Variants in OGG1 observed in about 807,000 individuals in gnomAD.
The protein encoded by OGG1 is 8-oxoguanine DNA glycosylase, also known as N-glycosylase/DNA lyase.
In OGG1, 35 loss-of-function variants were observed where a neutral mutation model predicts 42.3. The ratio of observed to expected loss-of-function variants is 0.83; its 90% CI spans 0.63 to 1.10. The LOEUF (loss-of-function observed/expected upper bound fraction) is 1.10, where lower values mean the gene tolerates loss of function less well. OGG1 is among the 50% of genes least tolerant of loss of function. The pLI is 0.00. For missense variants in OGG1, 484 were observed against 446.7 expected (o/e 1.08, Z -0.75); for synonymous variants, 189 against 179.0 (o/e 1.06, Z -0.44).
downstream of OGG1, chr3:9,757,512 G>A: frequency 6.2e-7 from 1 of 1,607,932 alleles, no homozygotes; most frequent in Non-Finnish European, 8.5e-7. This position sits in a 1 kb window ranked among gnomAD's most constrained non-coding sequence, Gnocchi z 4.5. Flanking sequence ...CTCCCACGCA[G>A]AGGATCATGA....
At chr3:9,786,474 G>C (rs2078614563) in intron 3 of OGG1, among the ~76,000 whole-genome samples, 1 of 152,164 alleles carries the variant, frequency 6.6e-6, no homozygotes, top group East Asian at 1.9e-4. Context: ...GTGAGGGTGT[G>C]TCTAAGGTCA....
chr3:9,785,452 G>A (rs749563985), intron 3 of OGG1: 28 of 1,503,402 alleles, frequency 1.9e-5, no homozygotes, highest in Non-Finnish European at 2.4e-5. Context: ...ATGAGTGGAA[G>A]GAAAAATAGC....
At chr3:9,756,041 G>A (rs926860405) in intron 4 of OGG1, among the ~76,000 whole-genome samples, 8 of 152,114 alleles carry the variant, frequency 5.3e-5, no homozygotes, top group East Asian at 1.9e-4. Context: ...CATAGGCCGC[G>A]CATGGTGGCT....
rs907166083 is a variant in OGG1 at position 9,781,581 on chromosome 3, C to T, written c.364C>T (p.Gln122Ter). 3 of 456,542 alleles carry T rather than the reference C, an allele frequency of 6.6e-6. No individual in the cohort carries two copies. Among genetic ancestry groups the T allele is most frequent in the South Asian group, 1.5e-5 (1 of 64,562 alleles). The allele number at this position is 456,542 out of a possible 1,614,324, so 28.3% of individuals were successfully genotyped here. Reference sequence around the variant, plus strand: ...ATTCCAGAGCCCCCTAAGGTCTAGGCAGCCTGAGGCTGACAGGAGGTGGGT... The same window carrying T: ...ATTCCAGAGCCCCCTAAGGTCTAGGTAGCCTGAGGCTGACAGGAGGTGGGT... The change falls in exon 3 of 4, where the codon CAG (glutamine) becomes TAG (stop). Residue 122 changes from glutamine to a stop codon, truncating the protein, a stop_gained. Transcript: ENST00000426518. LOFTEE classifies it high-confidence loss of function.
chr3:9,785,929 CTTGTT>C (rs554682630), intron 3 of OGG1, among the ~76,000 whole-genome samples: 85 of 149,522 alleles, frequency 5.7e-4, no homozygotes, highest in Admixed American at 1.1e-3. Flanking sequence ...CACACTCCTC[CTTGTT>C]TTGTTTTGTT....
exon 3 of OGG1, chr3:9,781,520 G>A (rs1301693666): frequency 6.6e-6 from 3 of 456,386 alleles, no homozygotes; most frequent in East Asian, 6.9e-5. Flanking sequence ...CAGGTGTTCC[G>A]GTGCCAGCAG....
At chr3:9,767,481 G>A (rs890827400), downstream of OGG1, among the ~76,000 whole-genome samples, 9 of 152,184 alleles carry the variant, frequency 5.9e-5, 1 homozygote, top group Non-Finnish European at 1.3e-4. Context: ...AGGGCTATTG[G>A]GAGAGCAGCC....
intron 3 of OGG1, chr3:9,787,658 G>T: frequency 7.2e-7 from 1 of 1,385,828 alleles, no homozygotes; most frequent in Non-Finnish European, 9.5e-7. Context: ...GAGCCTTCAG[G>T]TCACGGGTGA....
chr3:9,764,052 G>C (rs1226560440), intron 7 of OGG1, among the ~76,000 whole-genome samples: 2 of 152,120 alleles, frequency 1.3e-5, no homozygotes, highest in Admixed American at 6.5e-5. Context: ...CCAGACATAA[G>C]CTCCCCGAAT....
intron 3 of OGG1, among the ~76,000 whole-genome samples, chr3:9,781,833 CTTTTTTTTTTTTTTT>C (rs35246642): frequency 0.013 from 1,144 of 86,934 alleles, 14 homozygotes; most frequent in Non-Finnish European, 0.018. Flanking sequence ...CCCATTACTT[CTTTTTTTTTTTTTTT>C]TTTTTTTTTT....
chr3:9,769,063 C>T (rs996905318), downstream of OGG1, among the ~76,000 whole-genome samples: 3 of 152,138 alleles, frequency 2.0e-5, no homozygotes, highest in African/African-American at 4.8e-5. Context: ...GCCTTGTATC[C>T]ACATCCCGTG....
Position 9,757,028 on chromosome 3 carries a change from C to T in OGG1, c.949-33C>T. 1.2e-6 allele frequency: 2 copies of T among 1,613,870 alleles called. No homozygotes were observed. The highest frequency in any genetic ancestry group is 1.7e-6 in the Non-Finnish European group (2 of 1,180,020). On this transcript the variant is annotated intron_variant, in intron 6 of 6. Transcript: ENST00000344629. The surrounding 1 kb of genome is among the most constrained non-coding windows in gnomAD (Gnocchi z 4.5). ...CTCACCAGCCCTGACCCCAGTGTAC[C>T]CTCCTCCCCACACAGACTCCACCCT...
exon 8 of OGG1, chr3:9,765,826 A>C: frequency 6.2e-7 from 1 of 1,614,032 alleles, no homozygotes; most frequent in African/African-American, 1.3e-5. Flanking sequence ...TTGGCAATGC[A>C]TTTGATGGCC....
intron 2 of OGG1, among the ~76,000 whole-genome samples, chr3:9,773,301 G>T (rs866878363): frequency 1.3e-5 from 2 of 151,590 alleles, no homozygotes; most frequent in South Asian, 4.2e-4. Context: ...AGGCTGAGGC[G>T]GGTGGATCAT....
intron 2 of OGG1, chr3:9,780,549 C>A: frequency 6.2e-7 from 1 of 1,600,250 alleles, no homozygotes; most frequent in Non-Finnish European, 8.5e-7. Flanking sequence ...CCTTTGCCAG[C>A]CTGTGGGGAC....
At chr3:9,761,369 G>T, downstream of OGG1, 1 of 1,303,132 alleles carries the variant, frequency 7.7e-7, no homozygotes, top group Non-Finnish European at 1.1e-6. Flanking sequence ...GGAAGGAAGG[G>T]AGGGCAGAGG....
At chr3:9,763,493 C>CAAACCAAGG (rs1007982801) in intron 7 of OGG1, among the ~76,000 whole-genome samples, 1 of 151,470 alleles carries the variant, frequency 6.6e-6, no homozygotes, top group African/African-American at 2.4e-5. Context: ...CTGGGTAGGA[C>CAAACCAAGG]AAACCAAGGA....
intron 2 of OGG1, among the ~76,000 whole-genome samples, chr3:9,778,574 T>G (rs1204182724): frequency 6.6e-6 from 1 of 152,224 alleles, no homozygotes; most frequent in Non-Finnish European, 1.5e-5. Context: ...CTGAGCTGGC[T>G]TTATTCTCAA....
In OGG1 at chr3:9,757,185, C is replaced by T. The variant is rs760165512; in HGVS notation, c.*35C>T. 1.2e-6 allele frequency: 2 copies of T among 1,613,954 alleles called. No individual in the cohort carries two copies. Among genetic ancestry groups the T allele is most frequent in the South Asian group, 2.2e-5 (2 of 91,066 alleles). Reference sequence around the variant, plus strand: ...CCTGGACAAAGAAATTCCCCAAGCACCTTCCCCTCCATTCCCCACTTCTCT... The same window carrying T: ...CCTGGACAAAGAAATTCCCCAAGCATCTTCCCCTCCATTCCCCACTTCTCT... On this transcript the variant is annotated 3_prime_UTR_variant, in exon 7 of 7. Transcript: ENST00000344629. The surrounding 1 kb of genome is among the most constrained non-coding windows in gnomAD (Gnocchi z 4.5).
Sources: allele counts gnomAD v4.1 joint callset (sites outside exome capture counted in the v4.1 genomes callset), GRCh38; gene constraint gnomAD v4.1.1; non-coding constraint Gnocchi (gnomAD v3.1); transcripts MANE v1.5; gene names NCBI Gene and HGNC (gene_info 2026-07-23, HGNC 2026-07-21).